Variants in CEMIP observed in about 807,000 individuals in gnomAD.
The protein encoded by CEMIP is cell migration inducing hyaluronidase 1.
Under a neutral mutation model 156.9 loss-of-function variants are expected in CEMIP, and 105 were observed. That is an observed-to-expected ratio of 0.67 (90% CI 0.57 to 0.79). The LOEUF (loss-of-function observed/expected upper bound fraction) is 0.79, where lower values mean the gene tolerates loss of function less well. Among genes scored for constraint, CEMIP ranks in the 30% least tolerant of loss-of-function variants. The probability of loss-of-function intolerance (pLI) is 0.00; values close to 1 mark genes in which losing one functional copy is unlikely to be tolerated. For synonymous variants in CEMIP, 676 were observed against 668.4 expected (o/e 1.01, Z -0.17); for missense variants, 1,457 against 1,769.4 (o/e 0.82, Z 3.17).
chr15:80,878,582 T>A, intron 3 of CEMIP, 139 bp from the exon 4 acceptor site: 2 of 1,072,650 alleles, frequency 1.9e-6, no homozygotes, highest in African/African-American at 1.6e-5. Flanking sequence ...GTCTCTCAGC[T>A]CTCTAAGGTC....
intron 1 of CEMIP, among the ~76,000 whole-genome samples, chr15:80,860,023 ACG>A (rs1897947495): frequency 6.6e-6 from 1 of 152,180 alleles, no homozygotes; most frequent in Non-Finnish European, 1.5e-5. Context: ...ACAGGCACAC[ACG>A]CACACACACA....
At chr15:80,834,804 CAT>C (rs770713331) in intron 1 of CEMIP, among the ~76,000 whole-genome samples, 73 of 151,994 alleles carry the variant, frequency 4.8e-4, no homozygotes, top group Non-Finnish European at 7.2e-4. Flanking sequence ...TTAAGGGAAA[CAT>C]AGTGGCGTTT....
intron 14 of CEMIP, chr15:80,909,888 T>C (rs768931210): frequency 3.5e-5 from 11 of 312,938 alleles, no homozygotes; most frequent in Non-Finnish European, 5.7e-5. Flanking sequence ...AGTTTAACAC[T>C]GGACATCACA....
At chr15:80,824,525 C>T (rs991667101) in intron 1 of CEMIP, among the ~76,000 whole-genome samples, 1 of 152,132 alleles carries the variant, frequency 6.6e-6, no homozygotes, top group Non-Finnish European at 1.5e-5. Context: ...TGCTCCAGAC[C>T]CGCAGCCTCT....
At chr15:80,826,259 C>A (rs1052525505) in intron 1 of CEMIP, among the ~76,000 whole-genome samples, 5 of 152,176 alleles carry the variant, frequency 3.3e-5, no homozygotes, top group Admixed American at 3.3e-4. Context: ...CCAGTCTGGG[C>A]ATTTTTGTTG....
intron 1 of CEMIP, among the ~76,000 whole-genome samples, chr15:80,835,054 A>G (rs1897240451): frequency 6.6e-6 from 1 of 151,444 alleles, no homozygotes; most frequent in Non-Finnish European, 1.5e-5. Context: ...TGTTTCTTGG[A>G]CTAAAAACTA....
intron 14 of CEMIP, among the ~76,000 whole-genome samples, chr15:80,914,817 T>C (rs1419445224): frequency 6.6e-6 from 1 of 150,546 alleles, no homozygotes; most frequent in African/African-American, 2.4e-5. Context: ...GTTTAATTCA[T>C]GCAGAGCTGG....
chr15:80,877,934 A>G lies in CEMIP; in HGVS notation c.95-787A>G, dbSNP rs114325290. Among the ~76,000 whole-genome samples, 977 of 152,344 alleles carry G rather than the reference A, an allele frequency of 6.4e-3. 7 individuals are homozygous for G. Among genetic ancestry groups the G allele is most frequent in the Middle Eastern group, 0.02 (6 of 294 alleles). On this transcript the variant is annotated intron_variant, in intron 3 of 29. Coordinates refer to ENST00000394685, the MANE Select transcript of CEMIP (RefSeq NM_001293298.2). ...GGTCCTGGCAGCCTTCCAGACAGCCATCTAGAAACTATTCTCTTTGGTTCT... is the reference window on the plus strand; with the variant it reads ...GGTCCTGGCAGCCTTCCAGACAGCCGTCTAGAAACTATTCTCTTTGGTTCT...
chr15:80,862,088 G>A (rs1174848223), intron 1 of CEMIP, among the ~76,000 whole-genome samples: 1 of 152,254 alleles, frequency 6.6e-6, no homozygotes, highest in Non-Finnish European at 1.5e-5. Context: ...CTGAACGAGA[G>A]CCAGCTGGCA....
intron 1 of CEMIP, among the ~76,000 whole-genome samples, chr15:80,789,729 A>C (rs1403569387): frequency 6.6e-6 from 1 of 152,208 alleles, no homozygotes; most frequent in African/African-American, 2.4e-5. Context: ...TCTACATTTT[A>C]AAATCACAGT....
In CEMIP at chr15:80,881,114, G is replaced by A; in HGVS notation, c.595G>A (p.Gly199Ser). The A allele has an allele frequency of 6.2e-7, 1 of 1,614,166 alleles. No homozygotes were observed. Among genetic ancestry groups the A allele is most frequent in the Non-Finnish European group, 8.5e-7 (1 of 1,180,008 alleles). ...TGTTCATGTCATCGACCCCAAATCA[G>A]GCACAGTCATCCATTCTGACCGGTA... ...VIVHVIDPKS[G>S]TVIHSDRFDT... Residue 199 changes from glycine (G) to serine (S), a missense_variant, in exon 6 of 30, where the codon GGC becomes AGC. Transcript: ENST00000394685.
chr15:80,931,854 C>T lies in CEMIP; in HGVS notation c.2613-5C>T, dbSNP rs2141950977. 1.9e-6 allele frequency: 3 copies of T among 1,613,308 alleles called. No homozygotes were observed. The highest frequency in any genetic ancestry group is 3.3e-4 in the Middle Eastern group (2 of 6,060). ...GACTGACATCTTACTTCCTTAACTCCGTAGGAATTTTCCAATTAGAGGAAT... is the reference window on the plus strand; with the variant it reads ...GACTGACATCTTACTTCCTTAACTCTGTAGGAATTTTCCAATTAGAGGAAT... On this transcript the variant is annotated splice_polypyrimidine_tract_variant and splice_region_variant and intron_variant, in intron 21 of 29. Transcript: ENST00000394685.
chr15:80,910,869 T>C (rs1267775779), intron 14 of CEMIP, among the ~76,000 whole-genome samples: 3 of 152,170 alleles, frequency 2.0e-5, no homozygotes, highest in African/African-American at 4.8e-5. Context: ...GCTGGAGCCA[T>C]TGCTGGAAGA....
chr15:80,828,238 G>A (rs949351256), intron 1 of CEMIP, among the ~76,000 whole-genome samples: 12 of 152,194 alleles, frequency 7.9e-5, no homozygotes, highest in Middle Eastern at 3.4e-3. Flanking sequence ...AAATTAGCCC[G>A]GTGTGGTGGT....
At chr15:80,796,947 G>A (rs573921091) in intron 1 of CEMIP, among the ~76,000 whole-genome samples, 41 of 152,314 alleles carry the variant, frequency 2.7e-4, no homozygotes, top group African/African-American at 1.4e-4. Flanking sequence ...ATTAGAGAGG[G>A]CATTTTAGGC....
rs1394526692 is a variant in CEMIP at position 80,833,917 on chromosome 15, G to T, written c.-175-39621G>T. Among the ~76,000 whole-genome samples the T allele has an allele frequency of 2.6e-5, 4 of 152,150 alleles. No individual in the cohort carries two copies. The East Asian group carries it at 7.7e-4, about 29-fold the overall frequency. On this transcript the variant is annotated intron_variant, in intron 1 of 29. Transcript: ENST00000394685. ...ACTCGTGTCCTCAAGTGATCTGCCT[G>T]CCTCAGCCTCCCAAAGTGCTGGGAT...
chr15:80,786,556 CTGTGTGTGTGTGTGTGTG>C (rs3048927), intron 1 of CEMIP, among the ~76,000 whole-genome samples: 2 of 140,628 alleles, frequency 1.4e-5, no homozygotes, highest in Admixed American at 7.0e-5. Context: ...GGATGTCTTG[CTGTGTGTGTGTGTGTGTG>C]TGTGTGTGTG....
At position 80,948,976 on chromosome 15, in the gene CEMIP, GGCA is replaced by G; in HGVS notation, c.*57_*59del. ...GTGGTAGACTATGACGGTGACTCTTGGCAGCAGACCAGTGGGGGATGGCTGGGT... is the reference window on the plus strand; with the variant it reads ...GTGGTAGACTATGACGGTGACTCTTGGCAGACCAGTGGGGGATGGCTGGGT... On this transcript the variant is annotated 3_prime_UTR_variant, in exon 30 of 30. Transcript: ENST00000394685. 1 of 1,612,230 alleles carries G rather than the reference GGCA, an allele frequency of 6.2e-7. No homozygotes were observed. The highest frequency in any genetic ancestry group is 8.5e-7 in the Non-Finnish European group (1 of 1,178,822).
intron 28 of CEMIP, among the ~76,000 whole-genome samples, chr15:80,944,471 T>A (rs1567113561): frequency 1.3e-5 from 2 of 152,110 alleles, no homozygotes. Context: ...CACAACCTGG[T>A]GGAAAGTCTA....
Sources: gnomAD v4.1 joint callset for allele counts (sites outside exome capture counted in the v4.1 genomes callset) on GRCh38, gnomAD v4.1.1 for gene constraint, MANE v1.5 for transcripts, NCBI Gene and HGNC (gene_info 2026-07-23, HGNC 2026-07-21) for gene names.